Variants in SUV39H2 observed in about 807,000 individuals in gnomAD.
The protein encoded by SUV39H2 is SUV39H2 histone lysine methyltransferase, also known as histone-lysine N-methyltransferase SUV39H2.
In SUV39H2, 10 loss-of-function variants were observed where a neutral mutation model predicts 47.5. The observed-to-expected ratio is 0.21, with a 90% CI of 0.13 to 0.36. The LOEUF (loss-of-function observed/expected upper bound fraction) is 0.36, where lower values mean the gene tolerates loss of function less well. SUV39H2 is among the 10% of genes least tolerant of loss of function. SUV39H2 has a pLI of 1.00. For synonymous variants in SUV39H2, 159 were observed against 166.8 expected, an observed-to-expected ratio of 0.95 and a Z score of 0.36; for missense variants, 266 against 487.4, an observed-to-expected ratio of 0.55 and a Z score of 4.28.
At chr10:14,893,524 G>A (rs530528415) in intron 2 of SUV39H2, among the ~76,000 whole-genome samples, 3 of 152,306 alleles carry the variant, frequency 2.0e-5, no homozygotes, top group African/African-American at 7.2e-5. Context: ...AGATATTGAT[G>A]TAATAAGCTT....
intron 2 of SUV39H2, among the ~76,000 whole-genome samples, chr10:14,896,081 TACAGGCGTGCACCACCAC>T (rs1833589902): frequency 6.6e-6 from 1 of 152,228 alleles, no homozygotes; most frequent in Admixed American, 6.5e-5. Flanking sequence ...GTACTGGCAT[TACAGGCGTGCACCACCAC>T]ACCCAGCTAA....
At chr10:14,892,868 G>A (rs1179190102) in intron 2 of SUV39H2, among the ~76,000 whole-genome samples, 3 of 150,024 alleles carry the variant, frequency 2.0e-5, no homozygotes, top group African/African-American at 7.4e-5. Context: ...AGACTGGGCT[G>A]GAGTGCAGTG....
In SUV39H2 at chr10:14,891,963, C is replaced by T. The variant is rs147635470; in HGVS notation, c.178-4883C>T. On this transcript the variant is annotated intron_variant, in intron 2 of 5. Coordinates refer to ENST00000354919, the MANE Select transcript of SUV39H2 (RefSeq NM_001193424.2). ...CTAAATATCCTGAAATTACCCAAAACGTTTTATATGTGGTTTTTGTTAGAG... is the reference window on the plus strand; with the variant it reads ...CTAAATATCCTGAAATTACCCAAAATGTTTTATATGTGGTTTTTGTTAGAG... Among the ~76,000 whole-genome samples the T allele has an allele frequency of 6.2e-3, 940 of 152,230 alleles. 7 individuals carry two copies. The highest frequency in any genetic ancestry group is 0.021 in the African/African-American group (885 of 41,538).
intron 2 of SUV39H2, among the ~76,000 whole-genome samples, chr10:14,894,956 T>C (rs1200839413): frequency 6.6e-6 from 1 of 152,194 alleles, no homozygotes; most frequent in African/African-American, 2.4e-5. Context: ...AAAGCAGTTA[T>C]CTCAATTAAC....
chr10:14,880,590 A>C (rs1444335212), intron 1 of SUV39H2, among the ~76,000 whole-genome samples: 1 of 152,214 alleles, frequency 6.6e-6, no homozygotes, highest in Non-Finnish European at 1.5e-5. Flanking sequence ...GCTTACCATG[A>C]CACTAGCCCT....
At chr10:14,895,706 G>C (rs1054564508) in intron 2 of SUV39H2, among the ~76,000 whole-genome samples, 18 of 152,142 alleles carry the variant, frequency 1.2e-4, no homozygotes, top group African/African-American at 4.3e-4. Context: ...CTCTAGAAGA[G>C]AGCTGTCCAA....
chr10:14,881,148 A>G (rs867397962), intron 1 of SUV39H2, among the ~76,000 whole-genome samples: 4 of 152,242 alleles, frequency 2.6e-5, no homozygotes, highest in Non-Finnish European at 4.4e-5. Context: ...ATTGTAGTCT[A>G]TGTAGAATAC....
intron 3 of SUV39H2, chr10:14,898,681 T>A (rs2131709435): frequency 6.6e-6 from 1 of 152,426 alleles, no homozygotes; most frequent in South Asian, 2.1e-4. Context: ...TTAGACACTT[T>A]TGGTTTCTTA....
intron 2 of SUV39H2, among the ~76,000 whole-genome samples, chr10:14,883,765 A>T (rs1262959519): frequency 6.6e-6 from 1 of 151,102 alleles, no homozygotes; most frequent in Non-Finnish European, 1.5e-5. Flanking sequence ...TTTAGGAGTC[A>T]GTTTTAGAAC....
At chr10:14,889,340 T>A (rs1833313902) in intron 2 of SUV39H2, among the ~76,000 whole-genome samples, 1 of 152,224 alleles carries the variant, frequency 6.6e-6, no homozygotes, top group Admixed American at 6.5e-5. Flanking sequence ...GATACTGACA[T>A]CTACCCCATG....
Position 14,902,788 on chromosome 10 carries a change from T to C in SUV39H2, c.*276T>C, listed in dbSNP as rs1212279120. On this transcript the variant is annotated 3_prime_UTR_variant, in exon 6 of 6. Transcript: ENST00000354919. The stretch of plus-strand genomic sequence containing the variant: ...CTTAGTATATGTGTACTTAAGTCTA[T>C]GTGAACAGAGAAATGCCTCCCGTAG... The C allele has an allele frequency of 2.9e-5, 6 of 204,704 alleles. No homozygotes were observed. The highest frequency in any genetic ancestry group is 5.9e-5 in the Non-Finnish European group (6 of 101,136). The allele number at this position is 204,704 out of a possible 1,614,324, so 12.7% of individuals were successfully genotyped here. A position where few individuals can be genotyped will look rare whatever the true frequency, so the allele number is the denominator to read the frequency against.
intron 2 of SUV39H2, among the ~76,000 whole-genome samples, chr10:14,895,003 TA>T (rs1055035935): frequency 7.2e-5 from 11 of 152,190 alleles, no homozygotes; most frequent in African/African-American, 2.7e-4. Flanking sequence ...AATGATAATG[TA>T]ACTGTCCAAT....
intron 1 of SUV39H2, 103 bp downstream of exon 1, chr10:14,879,022 G>A (rs1428530528): frequency 3.8e-6 from 5 of 1,318,300 alleles, no homozygotes; most frequent in Middle Eastern, 2.8e-4. Context: ...GCGACGTGGC[G>A]GTTCCCCGCC....
intron 2 of SUV39H2, among the ~76,000 whole-genome samples, chr10:14,884,831 C>T (rs1833154335): frequency 6.6e-6 from 1 of 152,158 alleles, no homozygotes; most frequent in Non-Finnish European, 1.5e-5. Context: ...GTTACTTAGC[C>T]TTTCTGTCTT....
At chr10:14,888,362 G>T (rs1371268513) in intron 2 of SUV39H2, among the ~76,000 whole-genome samples, 2 of 152,108 alleles carry the variant, frequency 1.3e-5, no homozygotes, top group Admixed American at 6.5e-5. Flanking sequence ...TTGGCCGGGC[G>T]CAGTGGCTCA....
intron 2 of SUV39H2, among the ~76,000 whole-genome samples, chr10:14,881,937 C>T (rs1043988577): frequency 6.6e-6 from 1 of 152,182 alleles, no homozygotes; most frequent in African/African-American, 2.4e-5. Context: ...AATTGTCTTT[C>T]GTTTTGTTCG....
intron 2 of SUV39H2, among the ~76,000 whole-genome samples, chr10:14,884,492 G>A (rs150348587): frequency 2.6e-5 from 4 of 152,124 alleles, no homozygotes; most frequent in African/African-American, 4.8e-5. Context: ...GATCCTTTGC[G>A]CATTTTAAAA....
Position 14,879,115 on chromosome 10 carries a change from T to C in SUV39H2, c.31+196T>C. 4.0e-6 allele frequency: 5 copies of C among 1,262,302 alleles called. No individual in the cohort carries two copies. In the South Asian group the frequency reaches 8.3e-5, roughly 21 times the overall value. The allele number at this position is 1,262,302 out of a possible 1,614,324, so 78.2% of individuals were successfully genotyped here. On this transcript the variant is annotated intron_variant, in intron 1 of 5. Transcript: ENST00000354919. ...TGACCCGCCTCCCTGCCCGGCCGGCTCCCGCCGCGGAGGTGGGCACTGTCC... is the reference window on the plus strand; with the variant it reads ...TGACCCGCCTCCCTGCCCGGCCGGCCCCCGCCGCGGAGGTGGGCACTGTCC...
intron 2 of SUV39H2, among the ~76,000 whole-genome samples, chr10:14,893,128 C>T (rs1178274897): frequency 4.6e-5 from 7 of 151,324 alleles, no homozygotes; most frequent in East Asian, 1.9e-4. Context: ...CTCAGCCTCC[C>T]GAGTAGCTGG....
Sources: gnomAD v4.1 joint callset for allele counts (sites outside exome capture counted in the v4.1 genomes callset) on GRCh38, gnomAD v4.1.1 for gene constraint, MANE v1.5 for transcripts, NCBI Gene and HGNC (gene_info 2026-07-23, HGNC 2026-07-21) for gene names.